The following CAST variants were observed in gnomAD, a reference collection of about 807,000 sequenced individuals.
CAST encodes the protein calpastatin, also known as MIR583 host.
A neutral mutation model predicts 119.6 loss-of-function variants in CAST; 76 were observed. The observed-to-expected ratio is 0.64, with a 90% confidence interval of 0.53 to 0.77. The LOEUF (loss-of-function observed/expected upper bound fraction) is 0.77. CAST is among the 30% of genes least tolerant of loss of function. The pLI is 0.00. For synonymous variants in CAST, 319 were observed against 331.6 expected (o/e 0.96, Z 0.41); for missense variants, 953 against 946.5 (o/e 1.01, Z -0.09).
At chr5:96,575,861 T>C (rs986507550) in intron 1 of CAST, among the ~76,000 whole-genome samples, 2 of 152,116 alleles carry the variant, frequency 1.3e-5, no homozygotes, top group African/African-American at 2.4e-5. Flanking sequence ...CAGGTTGATC[T>C]TGCACTCCTG....
At chr5:96,180,089 T>C in the CAST span, among the ~76,000 whole-genome samples, 1 of 152,032 alleles carries the variant, frequency 6.6e-6, no homozygotes, top group Non-Finnish European at 1.5e-5. Context: ...GCATGAGACA[T>C]GTTCAGGAGT....
the CAST span, chr5:96,425,765 C>T: frequency 1.1e-6 from 1 of 932,938 alleles, no homozygotes; most frequent in Non-Finnish European, 1.8e-6. Flanking sequence ...AATGTAACAA[C>T]ATAAAGAAGC....
chr5:96,508,026 TA>T, the CAST span, among the ~76,000 whole-genome samples: 2 of 148,428 alleles, frequency 1.3e-5, no homozygotes, highest in South Asian at 2.1e-4. Context: ...TTATTATTAT[TA>T]TTATTTTATG....
chr5:96,474,883 A>T, the CAST span, among the ~76,000 whole-genome samples: 1 of 152,238 alleles, frequency 6.6e-6, no homozygotes, highest in Non-Finnish European at 1.5e-5. Flanking sequence ...GGGACCAGAA[A>T]CTAAGTCTGG....
chr5:96,208,325 TAGTTC>T, the CAST span, among the ~76,000 whole-genome samples: 1 of 151,926 alleles, frequency 6.6e-6, no homozygotes, highest in Non-Finnish European at 1.5e-5. Flanking sequence ...TAATTTCTTT[TAGTTC>T]AGTTCTGATT....
At chr5:96,620,472 T>G (rs543897321) in intron 1 of CAST, among the ~76,000 whole-genome samples, 1 of 152,252 alleles carries the variant, frequency 6.6e-6, no homozygotes, top group African/African-American at 2.4e-5. Flanking sequence ...CAGCTCCGAA[T>G]CAGCCATGAT....
the CAST span, among the ~76,000 whole-genome samples, chr5:96,056,434 T>A: frequency 6.6e-6 from 1 of 152,192 alleles, no homozygotes; most frequent in African/African-American, 2.4e-5. Flanking sequence ...AACTCCTGTA[T>A]TTATTTCCAG....
the CAST span, among the ~76,000 whole-genome samples, chr5:96,341,350 C>G: frequency 2.6e-4 from 39 of 149,548 alleles, no homozygotes; most frequent in Admixed American, 2.3e-3. Flanking sequence ...CCCCACCCCT[C>G]CACCCTGCTT....
intron 1 of CAST, among the ~76,000 whole-genome samples, chr5:96,648,011 T>C (rs1306823412): frequency 2.0e-5 from 3 of 152,260 alleles, no homozygotes; most frequent in African/African-American, 7.2e-5. Context: ...ATTTGAATTC[T>C]GCTTTTGGTA....
At chr5:96,173,750 C>T in the CAST span, among the ~76,000 whole-genome samples, 39,158 of 146,728 alleles carry the variant, frequency 0.27, 5,688 homozygotes, top group Admixed American at 0.39. Context: ...TTTTTTTTTT[C>T]TTTTTTTTTT....
chr5:96,461,743 C>T, the CAST span, among the ~76,000 whole-genome samples: 3 of 151,990 alleles, frequency 2.0e-5, no homozygotes, highest in Non-Finnish European at 4.4e-5. Context: ...CCTTCTCAAC[C>T]ATTAGTCAGT....
intron 24 of CAST, among the ~76,000 whole-genome samples, chr5:96,758,095 A>G (rs546634838): frequency 6.6e-6 from 1 of 152,308 alleles, no homozygotes; most frequent in African/African-American, 2.4e-5. Flanking sequence ...AACCCACTGT[A>G]GCCATTAAAA....
the CAST span, among the ~76,000 whole-genome samples, chr5:96,162,619 T>C: frequency 7.9e-3 from 1,197 of 152,260 alleles, 4 homozygotes; most frequent in Non-Finnish European, 0.013. Flanking sequence ...TGTTTCACCA[T>C]GTTGGCCAGG....
intron 10 of CAST, among the ~76,000 whole-genome samples, chr5:96,736,522 C>T (rs558055775): frequency 8.8e-4 from 134 of 152,148 alleles, no homozygotes; most frequent in African/African-American, 3.2e-3. Context: ...TGCAAATACA[C>T]TTTATTTAAC....
At chr5:96,029,064 A>G in the CAST span, among the ~76,000 whole-genome samples, 1 of 152,160 alleles carries the variant, frequency 6.6e-6, no homozygotes, top group Non-Finnish European at 1.5e-5. Context: ...TTTAAACATT[A>G]CCTACAATAT....
At chr5:96,482,460 A>G in the CAST span, among the ~76,000 whole-genome samples, 7 of 151,724 alleles carry the variant, frequency 4.6e-5, no homozygotes, top group Non-Finnish European at 7.4e-5. Context: ...CAGGTCTCTT[A>G]GAGGAATTAT....
the CAST span, among the ~76,000 whole-genome samples, chr5:96,345,069 G>A: frequency 1.3e-5 from 2 of 152,038 alleles, no homozygotes; most frequent in Non-Finnish European, 2.9e-5. Flanking sequence ...TTTGCACATC[G>A]CTTTCTTTTC....
At chr5:95,986,697 G>A in the CAST span, among the ~76,000 whole-genome samples, 1 of 152,180 alleles carries the variant, frequency 6.6e-6, no homozygotes, top group African/African-American at 2.4e-5. Flanking sequence ...TCTGAGAAAA[G>A]TGCAAAGGTT....
the CAST span, among the ~76,000 whole-genome samples, chr5:96,320,829 G>T: frequency 1.3e-5 from 2 of 152,240 alleles, no homozygotes; most frequent in African/African-American, 2.4e-5. Context: ...AGGCTAGGGG[G>T]ATGCAGTTGG....
Sources: allele counts gnomAD v4.1 joint callset (sites outside exome capture counted in the v4.1 genomes callset), GRCh38; gene constraint gnomAD v4.1.1; transcripts MANE v1.5; gene names NCBI Gene and HGNC (gene_info 2026-07-23, HGNC 2026-07-21).